Variants in NKAIN2 observed in about 807,000 individuals in gnomAD.
The protein encoded by NKAIN2 is sodium/potassium transporting ATPase interacting 2.
NKAIN2 carries 14 observed loss-of-function variants against 32.6 expected under a neutral mutation model. The observed-to-expected ratio is 0.43, with a 90% CI of 0.28 to 0.67. NKAIN2 has a LOEUF of 0.67. Ranked by LOEUF, NKAIN2 falls within the 30% of genes least tolerant of loss-of-function variation. NKAIN2 has a pLI of 0.17. For missense variants in NKAIN2, 198 were observed against 258.3 expected, an observed-to-expected ratio of 0.77 and a Z score of 1.60; for synonymous variants, 80 against 87.2, an observed-to-expected ratio of 0.92 and a Z score of 0.46.
intron 3 of NKAIN2, among the ~76,000 whole-genome samples, chr6:124,367,940 C>T (rs191796673): frequency 6.6e-6 from 1 of 151,888 alleles, no homozygotes; most frequent in Admixed American, 6.6e-5. Context: ...TTTTAAAATT[C>T]AAATATTTTT....
intron 3 of NKAIN2, chr6:124,437,823 C>A: frequency 2.7e-6 from 1 of 374,750 alleles, no homozygotes; most frequent in Non-Finnish European, 5.1e-6. Flanking sequence ...ATTTCCTCAA[C>A]GCATGGGATA....
intron 3 of NKAIN2, among the ~76,000 whole-genome samples, chr6:124,428,181 A>G (rs1253735352): frequency 6.6e-6 from 1 of 152,086 alleles, no homozygotes; most frequent in African/African-American, 2.4e-5. Context: ...AAAATCTTTC[A>G]TTCTGGAATT....
At chr6:124,721,337 G>C (rs941627653) in intron 4 of NKAIN2, among the ~76,000 whole-genome samples, 3 of 150,980 alleles carry the variant, frequency 2.0e-5, no homozygotes, top group African/African-American at 4.9e-5. Flanking sequence ...CCGGAAGGCG[G>C]AGCTTGCAGT....
intron 5 of NKAIN2, among the ~76,000 whole-genome samples, chr6:124,807,518 A>C (rs1380459382): frequency 1.3e-5 from 2 of 150,842 alleles, no homozygotes; most frequent in Admixed American, 6.6e-5. Context: ...ATAGCACTAA[A>C]TGCCCACAAG....
At chr6:123,909,666 T>C (rs972872385) in intron 1 of NKAIN2, among the ~76,000 whole-genome samples, 1 of 152,188 alleles carries the variant, frequency 6.6e-6, no homozygotes, top group Non-Finnish European at 1.5e-5. Context: ...CTTCAAACAT[T>C]GCCTTGTCTG....
At chr6:124,605,086 C>T (rs144949103) in intron 3 of NKAIN2, among the ~76,000 whole-genome samples, 4 of 152,134 alleles carry the variant, frequency 2.6e-5, no homozygotes, top group Admixed American at 2.6e-4. Flanking sequence ...AATACTAACC[C>T]CTGCTCTGTG....
At chr6:124,514,765 G>GGA (rs1316041364) in intron 3 of NKAIN2, among the ~76,000 whole-genome samples, 4 of 110,340 alleles carry the variant, frequency 3.6e-5, no homozygotes, top group African/African-American at 9.1e-5. Context: ...CTTGGGTATT[G>GGA]AAAAAAAAAA....
chr6:123,812,266 T>G (rs1773507935), intron 1 of NKAIN2, among the ~76,000 whole-genome samples: 1 of 152,228 alleles, frequency 6.6e-6, no homozygotes, highest in Admixed American at 6.5e-5. Context: ...AGGCTAATGA[T>G]GCAGTCTACA....
chr6:124,169,730 A>G (rs2114494014), intron 1 of NKAIN2, among the ~76,000 whole-genome samples: 1 of 152,094 alleles, frequency 6.6e-6, no homozygotes, highest in Non-Finnish European at 1.5e-5. Flanking sequence ...TCTTATCTCC[A>G]TGCACTTAGG....
At chr6:124,344,363 G>A (rs1798295770) in intron 2 of NKAIN2, among the ~76,000 whole-genome samples, 1 of 151,918 alleles carries the variant, frequency 6.6e-6, no homozygotes, top group Admixed American at 6.6e-5. Context: ...TTCCAATTCT[G>A]TGAAGAAAGT....
At chr6:124,385,257 G>A (rs983979456) in intron 3 of NKAIN2, among the ~76,000 whole-genome samples, 3 of 152,084 alleles carry the variant, frequency 2.0e-5, no homozygotes, top group African/African-American at 7.2e-5. Context: ...CAGCAGGACT[G>A]GGCATGTCAG....
intron 3 of NKAIN2, among the ~76,000 whole-genome samples, chr6:124,539,428 C>T (rs1027491513): frequency 2.0e-5 from 3 of 151,670 alleles, no homozygotes; most frequent in African/African-American, 7.3e-5. Flanking sequence ...CATGTATGCT[C>T]TCACTTAATT....
At chr6:124,014,362 A>G (rs1228570321) in intron 1 of NKAIN2, among the ~76,000 whole-genome samples, 1 of 152,154 alleles carries the variant, frequency 6.6e-6, no homozygotes, top group African/African-American at 2.4e-5. Flanking sequence ...GTAACTGGCC[A>G]TTAGTCTTCA....
chr6:124,518,292 T>A (rs1411901411), intron 3 of NKAIN2, among the ~76,000 whole-genome samples: 5 of 140,282 alleles, frequency 3.6e-5, no homozygotes, highest in South Asian at 2.3e-4. Context: ...TGATTCTAGT[T>A]AAAAAAAAAA....
chr6:124,564,491 C>T (rs56706679), intron 3 of NKAIN2, among the ~76,000 whole-genome samples: 1,710 of 152,198 alleles, frequency 0.011, 29 homozygotes, highest in African/African-American at 0.039. Flanking sequence ...GCCAACCCCC[C>T]CCTCCCCCAC....
intron 1 of NKAIN2, among the ~76,000 whole-genome samples, chr6:124,154,659 C>T (rs1335839486): frequency 6.6e-6 from 1 of 151,900 alleles, no homozygotes; most frequent in African/African-American, 2.4e-5. Context: ...CTTTTTAAGG[C>T]TTAAAGTGAG....
At position 123,911,651 on chromosome 6, in the gene NKAIN2, T is replaced by C. The variant is rs552444718; in HGVS notation, c.54+107397T>C. On this transcript the variant is annotated intron_variant, in intron 1 of 6. Coordinates refer to ENST00000368417, the MANE Select transcript of NKAIN2 (RefSeq NM_001040214.3). The stretch of plus-strand genomic sequence containing the variant: ...ATCCATGCCATGCCATTATTTTATA[T>C]ACAAATCTGGAGAAGAAGCATTTGA... 3.5e-4 allele frequency among the ~76,000 whole-genome samples: 53 copies of C among 151,974 alleles called. 1 individual carries two copies. The South Asian group carries it at 0.011, about 30-fold the overall frequency.
chr6:124,523,412 G>GTGGC (rs935213901), intron 3 of NKAIN2, among the ~76,000 whole-genome samples: 1 of 152,022 alleles, frequency 6.6e-6, no homozygotes, highest in African/African-American at 2.4e-5. Context: ...CATGTTGAGT[G>GTGGC]TGGCTATACT....
chr6:124,763,875 T>C (rs1045644894), intron 4 of NKAIN2, among the ~76,000 whole-genome samples: 6 of 152,218 alleles, frequency 3.9e-5, no homozygotes, highest in African/African-American at 1.4e-4. Context: ...TAGTCTGTAT[T>C]ATAAAGCATT....
Sources: gnomAD v4.1 joint callset for allele counts (sites outside exome capture counted in the v4.1 genomes callset) on GRCh38, gnomAD v4.1.1 for gene constraint, MANE v1.5 for transcripts, NCBI Gene and HGNC (gene_info 2026-07-23, HGNC 2026-07-21) for gene names.